ST6GALNAC3: variants seen among roughly 807,000 people sequenced by gnomAD.
ST6GALNAC3 encodes alpha-N-acetylgalactosaminide alpha-2,6-sialyltransferase 3.
A neutral mutation model predicts 32.7 loss-of-function variants in ST6GALNAC3; 25 were observed. The ratio of observed to expected loss-of-function variants is 0.76; its 90% CI spans 0.56 to 1.07. The LOEUF (loss-of-function observed/expected upper bound fraction) is 1.07, where lower values mean the gene tolerates loss of function less well. Among genes scored for constraint, ST6GALNAC3 ranks in the 50% least tolerant of loss-of-function variants. The probability of loss-of-function intolerance (pLI) is 0.00; values close to 1 mark genes in which losing one functional copy is unlikely to be tolerated. For synonymous variants in ST6GALNAC3, 129 were observed against 133.1 expected, an observed-to-expected ratio of 0.97 and a Z score of 0.21; for missense variants, 355 against 382.4, an observed-to-expected ratio of 0.93 and a Z score of 0.60.
intron 3 of ST6GALNAC3, among the ~76,000 whole-genome samples, chr1:76,606,100 G>A (rs1019510920): frequency 2.6e-4 from 39 of 152,120 alleles, no homozygotes; most frequent in African/African-American, 8.4e-4. Flanking sequence ...AAATAGGAAC[G>A]CTTTTACACT....
At chr1:76,477,949 A>G (rs986904096) in intron 3 of ST6GALNAC3, among the ~76,000 whole-genome samples, 2 of 152,052 alleles carry the variant, frequency 1.3e-5, no homozygotes, top group Non-Finnish European at 2.9e-5. Context: ...TGTGAAACCT[A>G]TGGGCCTGTG....
intron 1 of ST6GALNAC3, among the ~76,000 whole-genome samples, chr1:76,132,315 G>A (rs1649661796): frequency 6.6e-6 from 1 of 152,134 alleles, no homozygotes; most frequent in South Asian, 2.1e-4. Context: ...TGGGTATTGG[G>A]AAACTCCAGC....
At chr1:76,598,820 T>C (rs1647177065) in intron 3 of ST6GALNAC3, among the ~76,000 whole-genome samples, 2 of 152,148 alleles carry the variant, frequency 1.3e-5, no homozygotes, top group Non-Finnish European at 1.5e-5. Context: ...GATTAGGGCA[T>C]TTCTTCAGTA....
chr1:76,095,296 T>C (rs566251125), intron 1 of ST6GALNAC3, among the ~76,000 whole-genome samples: 10 of 152,188 alleles, frequency 6.6e-5, no homozygotes, highest in Non-Finnish European at 5.9e-5. Flanking sequence ...TACTTTGTTA[T>C]ATGGCTACAT....
intron 1 of ST6GALNAC3, among the ~76,000 whole-genome samples, chr1:76,236,429 G>T (rs936120395): frequency 6.6e-6 from 1 of 152,104 alleles, no homozygotes. Context: ...CTATGTGAGG[G>T]TTTGCTCTAA....
rs148333578 is a variant in ST6GALNAC3 at position 76,569,939 on chromosome 1, A to G, written c.624-57513A>G. ...TTAAGGAAATCAGTTTCTACCATCT[A>G]TTTTTCTCTTCAAAAATCAAATTAC... On this transcript the variant is annotated intron_variant, in intron 3 of 4. Transcript: ENST00000328299. 7.4e-3 allele frequency among the ~76,000 whole-genome samples: 1,128 copies of G among 152,088 alleles called. 4 individuals carry two copies. Among genetic ancestry groups the G allele is most frequent in the Non-Finnish European group, 0.013 (915 of 67,952 alleles).
intron 2 of ST6GALNAC3, among the ~76,000 whole-genome samples, chr1:76,397,234 A>C (rs1027836174): frequency 6.6e-6 from 1 of 152,208 alleles, no homozygotes; most frequent in African/African-American, 2.4e-5. Flanking sequence ...ACTAAAGATC[A>C]CAAGATCTTA....
intron 3 of ST6GALNAC3, among the ~76,000 whole-genome samples, chr1:76,510,616 T>C (rs1351340672): frequency 1.3e-5 from 2 of 152,174 alleles, no homozygotes; most frequent in Admixed American, 1.3e-4. Context: ...CTCAGATCTG[T>C]ACACAGATGC....
chr1:76,416,464 A>G (rs952822231), intron 3 of ST6GALNAC3, among the ~76,000 whole-genome samples: 3 of 152,078 alleles, frequency 2.0e-5, no homozygotes, highest in Admixed American at 6.6e-5. Flanking sequence ...ATATGTCACT[A>G]GTAGTTAAAG....
At chr1:76,288,736 A>T (rs2100809663) in intron 1 of ST6GALNAC3, among the ~76,000 whole-genome samples, 1 of 152,326 alleles carries the variant, frequency 6.6e-6, no homozygotes, top group Non-Finnish European at 1.5e-5. Context: ...AGAGAGAAGA[A>T]CATGCCATGT....
chr1:76,363,755 C>A (rs538134816), intron 2 of ST6GALNAC3, among the ~76,000 whole-genome samples: 3 of 152,214 alleles, frequency 2.0e-5, no homozygotes, highest in South Asian at 2.1e-4. Flanking sequence ...GCCTCAGGAA[C>A]CTTACAATCA....
intron 1 of ST6GALNAC3, among the ~76,000 whole-genome samples, chr1:76,245,913 T>C (rs537933877): frequency 7.9e-5 from 12 of 152,212 alleles, no homozygotes; most frequent in Non-Finnish European, 1.8e-4. Context: ...TCTATAGTTG[T>C]TTGTTAGGTC....
At position 76,412,384 on chromosome 1, in the gene ST6GALNAC3, A is replaced by T. The variant is rs2101305920; in HGVS notation, c.590A>T (p.Asp197Val). The T allele has an allele frequency of 6.2e-7, 1 of 1,606,222 alleles. No homozygotes were observed. Among genetic ancestry groups the T allele is most frequent in the Non-Finnish European group, 8.5e-7 (1 of 1,175,200 alleles). ...VTTEKRMSYC[D>V]GVFKKETGKD... ...ACAGAGAAGCGCATGAGTTACTGTG[A>T]TGGAGTTTTTAAGAAGGAAACTGGG... The change falls in exon 3 of 5, where the codon GAT (aspartate) becomes GTT (valine). Residue 197 changes from aspartate to valine, a missense_variant. By Grantham distance (152) the Asp-to-Val change is radical. Transcript: ENST00000328299.
intron 1 of ST6GALNAC3, among the ~76,000 whole-genome samples, chr1:76,190,615 C>A (rs958195341): frequency 6.6e-6 from 1 of 152,098 alleles, no homozygotes; most frequent in African/African-American, 2.4e-5. Flanking sequence ...TTAATTTACC[C>A]GTGTTGATCA....
chr1:76,146,433 A>G (rs1485187563), intron 1 of ST6GALNAC3, among the ~76,000 whole-genome samples: 1 of 152,070 alleles, frequency 6.6e-6, no homozygotes, highest in Non-Finnish European at 1.5e-5. Flanking sequence ...TTTGATTGAG[A>G]TGTTCTTGAA....
At chr1:76,149,937 G>C (rs519835) in intron 1 of ST6GALNAC3, among the ~76,000 whole-genome samples, 140,158 of 152,216 alleles carry the variant, frequency 0.92, 65,647 homozygotes, top group East Asian at 1. Flanking sequence ...TTCTTAAATA[G>C]AGGGAACCTC....
chr1:76,139,581 T>G lies in ST6GALNAC3; in HGVS notation c.18+64697T>G, dbSNP rs147174320. On this transcript the variant is annotated intron_variant, in intron 1 of 4. Coordinates refer to ENST00000328299, the MANE Select transcript of ST6GALNAC3 (RefSeq NM_152996.4). ...TAGCTTTTGTCCTGACACCTATGTC[T>G]GGGTGACATAGATTCTCAGAGAGAG... is the stretch of plus-strand genomic sequence containing the variant. Among the ~76,000 whole-genome samples the G allele has an allele frequency of 7.2e-5, 11 of 152,316 alleles. No individual in the cohort carries two copies. In the East Asian group the frequency reaches 1.9e-3, roughly 27 times the overall value.
At chr1:76,084,636 T>G (rs1646941339) in intron 1 of ST6GALNAC3, among the ~76,000 whole-genome samples, 1 of 152,248 alleles carries the variant, frequency 6.6e-6, no homozygotes, top group Admixed American at 6.5e-5. Context: ...TATTTTTTAC[T>G]GCTTATTTCT....
At chr1:76,570,659 G>A (rs1414831279) in intron 3 of ST6GALNAC3, among the ~76,000 whole-genome samples, 2 of 151,950 alleles carry the variant, frequency 1.3e-5, no homozygotes, top group African/African-American at 2.4e-5. Flanking sequence ...AGGCTTATGC[G>A]TGCTTTTATT....
Sources: gnomAD v4.1 joint callset for allele counts (sites outside exome capture counted in the v4.1 genomes callset) on GRCh38, gnomAD v4.1.1 for gene constraint, MANE v1.5 for transcripts, NCBI Gene and HGNC (gene_info 2026-07-23, HGNC 2026-07-21) for gene names.